The following JHY variants were observed in gnomAD, a reference collection of about 807,000 sequenced individuals.
JHY encodes jhy protein homolog.
In JHY, 69 loss-of-function variants were observed where a neutral mutation model predicts 78.0. The observed-to-expected ratio is 0.88, with a 90% CI of 0.73 to 1.08. The LOEUF is 1.08. JHY is among the 50% of genes least tolerant of loss of function. The pLI, the probability that JHY is intolerant of heterozygous loss-of-function variation, is 0.00. For missense variants in JHY, 944 were observed against 927.8 expected (o/e 1.02, Z -0.23); for synonymous variants, 368 against 342.6 (o/e 1.07, Z -0.82).
At chr11:122,951,170 T>C (rs749656951) in intron 6 of JHY, among the ~76,000 whole-genome samples, 1 of 152,168 alleles carries the variant, frequency 6.6e-6, no homozygotes. Flanking sequence ...GGAGGATTTG[T>C]AAAGATAATA....
In JHY at chr11:122,962,684, A is replaced by G. The variant is rs923531827; in HGVS notation, c.*3239A>G. 6.6e-6 allele frequency among the ~76,000 whole-genome samples: 1 copy of G among 152,230 alleles called. No individual in the cohort carries two copies. The highest frequency in any genetic ancestry group is 1.5e-5 in the Non-Finnish European group (1 of 68,016). ...AAAAAGAATGCATATAGAGACATTC[A>G]TATTTAAAGGGATAGGGTAAAATTT... On this transcript the variant is annotated 3_prime_UTR_variant, in exon 9 of 9. Transcript: ENST00000227349.
intron 3 of JHY, among the ~76,000 whole-genome samples, chr11:122,916,907 G>A (rs968305019): frequency 5.3e-5 from 8 of 152,078 alleles, no homozygotes; most frequent in Non-Finnish European, 7.4e-5. Context: ...TGAGATACAG[G>A]CATGAGCTAC....
intron 2 of JHY, 38 bp from the exon 3 acceptor site, chr11:122,903,887 C>A: frequency 1.3e-6 from 2 of 1,523,220 alleles, no homozygotes; most frequent in South Asian, 1.3e-5. Context: ...GAATTTATTT[C>A]AACTAAGGAC....
At chr11:122,947,535 T>C (rs920215197) in intron 6 of JHY, 2 of 152,220 alleles carry the variant, frequency 1.3e-5, no homozygotes, top group Non-Finnish European at 2.9e-5. Flanking sequence ...TGTATTTCTC[T>C]TCTGTCACTG....
chr11:122,931,191 CA>C (rs747184816), intron 4 of JHY, among the ~76,000 whole-genome samples: 24 of 152,158 alleles, frequency 1.6e-4, no homozygotes, highest in Non-Finnish European at 2.9e-4. Context: ...CAAACCATGG[CA>C]CCAGGCAAGA....
chr11:122,891,250 A>T (rs1254616430), intron 2 of JHY, among the ~76,000 whole-genome samples: 1 of 152,196 alleles, frequency 6.6e-6, no homozygotes, highest in Non-Finnish European at 1.5e-5. Context: ...GCTGCCTGAC[A>T]AATCACTTGA....
intron 3 of JHY, among the ~76,000 whole-genome samples, chr11:122,906,548 T>G (rs1205930827): frequency 6.6e-6 from 1 of 152,180 alleles, no homozygotes; most frequent in Non-Finnish European, 1.5e-5. Context: ...TATTTTTCAT[T>G]ATTAAAAAGT....
intron 4 of JHY, among the ~76,000 whole-genome samples, chr11:122,933,671 T>C (rs1408276807): frequency 6.6e-6 from 1 of 152,202 alleles, no homozygotes; most frequent in African/African-American, 2.4e-5. Flanking sequence ...ACAGGCTCTT[T>C]TATAATCCTC....
In JHY at chr11:122,956,512, G is replaced by T. The variant is rs1428129291; in HGVS notation, c.1946G>T (p.Gly649Val). The T allele has an allele frequency of 6.8e-6, 11 of 1,613,332 alleles. No homozygotes were observed. In the East Asian group the frequency reaches 1.8e-4, roughly 26 times the overall value. ...TATTTTTAGAACACCAAGCTGAAAG[G>T]TTATCAGAAAAGAGACGTGAAGCTT... ...RSSSKNTKLK[G>V]YQKRDVKLGG... Residue 649 changes from glycine (G) to valine (V), a missense_variant, in exon 7 of 9, where the codon GGT becomes GTT. By Grantham distance (109) the Gly-to-Val change is moderately radical (BLOSUM62 -3). Transcript: ENST00000227349.
chr11:122,914,853 TCTG>T lies in JHY; in HGVS notation c.865-10041_865-10039del, dbSNP rs1317544582. Among the ~76,000 whole-genome samples, 8 of 152,308 alleles carry T rather than the reference TCTG, an allele frequency of 5.3e-5. 1 individual carries two copies. The highest frequency in any genetic ancestry group is 1.9e-4 in the African/African-American group (8 of 41,570). Reference sequence around the variant, plus strand: ...ATTGATACATTTTCTTATTTTGCCCTCTGCTATTACTACAAGAGCACTTACTTA... The same window carrying T: ...ATTGATACATTTTCTTATTTTGCCCTCTATTACTACAAGAGCACTTACTTA... On this transcript the variant is annotated intron_variant, in intron 3 of 8. Coordinates refer to ENST00000227349, the MANE Select transcript of JHY (RefSeq NM_024806.4).
chr11:122,884,594 C>T (rs900063871), intron 1 of JHY, among the ~76,000 whole-genome samples: 2 of 152,128 alleles, frequency 1.3e-5, no homozygotes, highest in Non-Finnish European at 2.9e-5. Context: ...TTTATAATGA[C>T]CCTTACAGAC....
intron 3 of JHY, among the ~76,000 whole-genome samples, chr11:122,914,740 G>A (rs1350113475): frequency 1.3e-5 from 2 of 152,058 alleles, no homozygotes; most frequent in Non-Finnish European, 2.9e-5. Context: ...ACCACACCCG[G>A]CCTGGTGGTG....
intron 5 of JHY, among the ~76,000 whole-genome samples, chr11:122,936,508 T>C (rs931621377): frequency 2.0e-5 from 3 of 152,136 alleles, no homozygotes; most frequent in African/African-American, 4.8e-5. Context: ...GGTAGATAGA[T>C]AGATGATAGA....
At position 122,917,200 on chromosome 11, in the gene JHY, A is replaced by G. The variant is rs1479637653; in HGVS notation, c.865-7697A>G. Among the ~76,000 whole-genome samples the G allele has an allele frequency of 6.6e-6, 1 of 152,230 alleles. No individual in the cohort carries two copies. Among genetic ancestry groups the G allele is most frequent in the Non-Finnish European group, 1.5e-5 (1 of 68,040 alleles). On this transcript the variant is annotated intron_variant, in intron 3 of 8. Coordinates refer to ENST00000227349, the MANE Select transcript of JHY (RefSeq NM_024806.4). The surrounding 1 kb of genome is among the most constrained non-coding windows in gnomAD (Gnocchi z 4.1). ...GTAAACATACAACTCAACAAGTGGA[A>G]GTAGAAGTACCAAGGTGTACTAGAG... is the stretch of plus-strand genomic sequence containing the variant.
At position 122,904,102 on chromosome 11, in the gene JHY, C is replaced by CG. The variant is rs1565311978; in HGVS notation, c.527dup (p.Gly178ArgfsTer16). The CG allele has an allele frequency of 1.2e-6, 2 of 1,614,084 alleles. No individual in the cohort carries two copies. The highest frequency in any genetic ancestry group is 1.1e-5 in the South Asian group (1 of 91,074). ...CCCAGGAGACGTCAATGGAACTCTC[C>CG]GGGGGAAAAGGCGAGCAGAAAGAGA... On this transcript the variant is annotated frameshift_variant, in exon 3 of 9. Coordinates refer to ENST00000227349, the MANE Select transcript of JHY (RefSeq NM_024806.4). LOFTEE classifies it high-confidence loss of function.
chr11:122,931,748 G>A (rs1225682870), intron 4 of JHY, among the ~76,000 whole-genome samples: 1 of 152,162 alleles, frequency 6.6e-6, no homozygotes, highest in Non-Finnish European at 1.5e-5. Context: ...TTCTGGTTGA[G>A]ATCAGAGCAG....
intron 3 of JHY, chr11:122,905,603 C>T: frequency 1.0e-6 from 1 of 996,394 alleles, no homozygotes; most frequent in Non-Finnish European, 1.2e-6. Flanking sequence ...CACGTTGGCT[C>T]ATGCCTGTAA....
At chr11:122,951,743 A>C (rs1864090686) in intron 6 of JHY, among the ~76,000 whole-genome samples, 2 of 152,210 alleles carry the variant, frequency 1.3e-5, no homozygotes, top group Admixed American at 1.3e-4. Context: ...TCCTGGTACA[A>C]ACCTTGCATC....
At chr11:122,955,278 G>A (rs1379769539) in intron 6 of JHY, among the ~76,000 whole-genome samples, 3 of 152,004 alleles carry the variant, frequency 2.0e-5, no homozygotes, top group African/African-American at 4.8e-5. Flanking sequence ...CTGCCACCAC[G>A]CCCACCTAAT....
Sources: gnomAD v4.1 joint callset for allele counts (sites outside exome capture counted in the v4.1 genomes callset) on GRCh38, gnomAD v4.1.1 for gene constraint, Gnocchi (gnomAD v3.1) non-coding constraint, MANE v1.5 for transcripts, NCBI Gene and HGNC (gene_info 2026-07-23, HGNC 2026-07-21) for gene names.